Variants in SLC20A2 observed in about 807,000 individuals in gnomAD.
The protein encoded by SLC20A2 is sodium-dependent phosphate transporter 2.
A neutral mutation model predicts 61.0 loss-of-function variants in SLC20A2; 30 were observed. The observed-to-expected ratio is 0.49, with a 90% CI of 0.37 to 0.67. SLC20A2 has a LOEUF of 0.67. SLC20A2 is among the 30% of genes least tolerant of loss of function. The pLI is 0.00. For synonymous variants in SLC20A2, 351 were observed against 353.3 expected (o/e 0.99, Z 0.07); for missense variants, 626 against 866.4 (o/e 0.72, Z 3.48).
chr8:42,465,431 C>T (rs118064803), intron 3 of SLC20A2, among the ~76,000 whole-genome samples: 2,416 of 151,888 alleles, frequency 0.016, 61 homozygotes, highest in South Asian at 0.097. Flanking sequence ...CGGTGGCTCA[C>T]GCCTATAATC....
At chr8:42,517,660 C>T (rs542530929) in intron 1 of SLC20A2, among the ~76,000 whole-genome samples, 3 of 152,168 alleles carry the variant, frequency 2.0e-5, no homozygotes, top group East Asian at 1.9e-4. Flanking sequence ...GATTCTAGGG[C>T]CTCTGGAAAA....
chr8:42,463,798 C>T (rs1262036339), intron 3 of SLC20A2, among the ~76,000 whole-genome samples: 1 of 152,078 alleles, frequency 6.6e-6, no homozygotes, highest in Admixed American at 6.6e-5. Context: ...TGTGCCCCTG[C>T]CTGGCAGCTC....
At position 42,464,090 on chromosome 8, in the gene SLC20A2, A is replaced by ATTTTTTTTTTTTTTTTT. The variant is rs1563488008; in HGVS notation, c.431-1001_431-1000insAAAAAAAAAAAAAAAAA. On this transcript the variant is annotated intron_variant, in intron 3 of 10. Transcript: ENST00000520262. ...TTCTTCCCAAAGGGCAGGCTGGATG[A>ATTTTTTTTTTTTTTTTT]TCTTTTTTTTTTTTTTTTTTTTTTT... is the stretch of plus-strand genomic sequence containing the variant. Among the ~76,000 whole-genome samples, 6 of 19,994 alleles carry ATTTTTTTTTTTTTTTTT rather than the reference A, an allele frequency of 3.0e-4. 1 individual carries two copies. Among genetic ancestry groups the ATTTTTTTTTTTTTTTTT allele is most frequent in the East Asian group, 2.3e-3 (1 of 434 alleles). 13.1% of individuals were successfully genotyped at this position (19,994 alleles called of 152,430 possible).
intron 1 of SLC20A2, among the ~76,000 whole-genome samples, chr8:42,479,222 A>G (rs889265056): frequency 6.6e-6 from 1 of 152,216 alleles, no homozygotes; most frequent in Non-Finnish European, 1.5e-5. Flanking sequence ...GTTTACGCAA[A>G]TATAAACATT....
intron 1 of SLC20A2, among the ~76,000 whole-genome samples, chr8:42,517,153 T>A (rs1811367265): frequency 6.6e-6 from 1 of 152,198 alleles, no homozygotes; most frequent in Non-Finnish European, 1.5e-5. Context: ...GACCTGGAAA[T>A]TAGATAAACT....
At position 42,538,691 on chromosome 8, in the gene SLC20A2, A is replaced by G. The variant is rs117681515; in HGVS notation, c.-265+3130T>C. On this transcript the variant is annotated intron_variant, in intron 1 of 10. Coordinates refer to the SLC20A2 transcript ENST00000342228. ...ATTCAGGGAGCTTAAAGGGCACTCC[A>G]TCTGAGAGCCAAATTTTGAAGGAAT... is the stretch of plus-strand genomic sequence containing the variant. Among the ~76,000 whole-genome samples the G allele has an allele frequency of 6.8e-4, 104 of 152,368 alleles. 1 individual carries two copies. The East Asian group carries it at 0.017, about 25-fold the overall frequency.
rs537861199 is a variant in SLC20A2, at chr8:42,484,975, G to C, written c.-264-12321C>G. The stretch of plus-strand genomic sequence containing the variant: ...GGGCACACGACTAAGCACAAGGCCT[G>C]CATTTGGACCAAAGGGCACCCTGGC... On this transcript the variant is annotated intron_variant, in intron 1 of 10. Transcript: ENST00000520262. 11 of 306,712 alleles carry C rather than the reference G, an allele frequency of 3.6e-5. No homozygotes were observed. In the East Asian group the frequency reaches 1.1e-3, roughly 30 times the overall value. The allele number at this position is 306,712 out of a possible 1,614,324, so 19.0% of individuals were successfully genotyped here.
Position 42,428,834 on chromosome 8 carries a change from G to C in SLC20A2, c.1718C>G (p.Thr573Arg). ...LTPITPSSGF[T>R]IELASAFTVV... The stretch of plus-strand genomic sequence containing the variant: ...TGTGAAGGCTGAGGCCAGCTCGATC[G>C]TGAAGCCGCTGTGGGGGGAGCATGA... Residue 573 changes from threonine to arginine, a missense_variant, in exon 10 of 11, where the codon ACG (threonine) becomes AGG (arginine). Coordinates refer to ENST00000520262, the MANE Select transcript of SLC20A2 (RefSeq NM_001257180.2). The C allele has an allele frequency of 6.3e-7, 1 of 1,598,138 alleles. No individual in the cohort carries two copies. The highest frequency in any genetic ancestry group is 1.7e-4 in the Middle Eastern group (1 of 5,996).
At chr8:42,539,506 T>TA (rs1274356237) in intron 1 of SLC20A2, among the ~76,000 whole-genome samples, 5 of 152,206 alleles carry the variant, frequency 3.3e-5, no homozygotes, top group Non-Finnish European at 5.9e-5. Flanking sequence ...ACTAAAAACT[T>TA]AGACACACAA....
chr8:42,439,316 G>T, intron 7 of SLC20A2, 134 bp downstream of exon 7: 1 of 814,644 alleles, frequency 1.2e-6, no homozygotes, highest in Non-Finnish European at 1.9e-6. Flanking sequence ...TAGCTTCTGG[G>T]TTTTCTCAAA....
intron 1 of SLC20A2, among the ~76,000 whole-genome samples, chr8:42,521,929 T>C (rs1390225050): frequency 8.2e-6 from 1 of 121,592 alleles, no homozygotes; most frequent in Non-Finnish European, 2.0e-5. Context: ...CTCAGATTTA[T>C]GGCAATTTTC....
intron 1 of SLC20A2, among the ~76,000 whole-genome samples, chr8:42,519,496 T>G (rs1188649162): frequency 1.3e-5 from 2 of 151,580 alleles, no homozygotes; most frequent in African/African-American, 4.9e-5. Context: ...TCGGAGATTT[T>G]AATTGAATTG....
At chr8:42,430,672 TG>T (rs992863285) in intron 8 of SLC20A2, among the ~76,000 whole-genome samples, 31 of 152,292 alleles carry the variant, frequency 2.0e-4, no homozygotes, top group African/African-American at 6.7e-4. Context: ...TCAGATAGGA[TG>T]TTTTTTATGA....
intron 5 of SLC20A2, among the ~76,000 whole-genome samples, chr8:42,447,851 C>T (rs2131074062): frequency 6.6e-6 from 1 of 152,326 alleles, no homozygotes; most frequent in South Asian, 2.1e-4. Context: ...AACTGCTCAG[C>T]TCCCATCCCC....
intron 5 of SLC20A2, among the ~76,000 whole-genome samples, chr8:42,454,037 T>G (rs1805943438): frequency 6.6e-6 from 1 of 152,154 alleles, no homozygotes; most frequent in Non-Finnish European, 1.5e-5. Context: ...AGAGTCTCGC[T>G]CTGTCTCCCA....
Position 42,522,915 on chromosome 8 carries a change from G to A in SLC20A2, c.-265+18906C>T, listed in dbSNP as rs909387099. On this transcript the variant is annotated intron_variant, in intron 1 of 10. Coordinates refer to the SLC20A2 transcript ENST00000342228. ...ATCTGTAGAGATGGCGGGGTGGGGG[G>A]GGTCTCTCTGTGTTGCCCAGGTTAG... is the stretch of plus-strand genomic sequence containing the variant. Among the ~76,000 whole-genome samples, 23 of 148,240 alleles carry A rather than the reference G, an allele frequency of 1.6e-4. 1 individual carries two copies. Among genetic ancestry groups the A allele is most frequent in the African/African-American group, 5.6e-4 (22 of 38,962 alleles).
intron 1 of SLC20A2, among the ~76,000 whole-genome samples, chr8:42,517,118 T>G (rs751428282): frequency 6.6e-6 from 1 of 152,180 alleles, no homozygotes; most frequent in Non-Finnish European, 1.5e-5. Context: ...ATCTATAGTA[T>G]TAGTCATCTC....
intron 1 of SLC20A2, among the ~76,000 whole-genome samples, chr8:42,486,118 T>A (rs889119098): frequency 8.8e-5 from 13 of 148,178 alleles, no homozygotes; most frequent in Non-Finnish European, 1.6e-4. Flanking sequence ...ACTACTTAAT[T>A]ATCTTTAGCA....
Position 42,463,010 on chromosome 8 carries a change from T to G in SLC20A2, c.511A>C (p.Lys171Gln), listed in dbSNP as rs763565914. The G allele has an allele frequency of 6.3e-7, 1 of 1,590,064 alleles. No homozygotes were observed. The highest frequency in any genetic ancestry group is 1.4e-5 in the African/African-American group (1 of 73,658). ...AAAGTAGCAGCCCCACTTACCTTTT[T>G]TAAGATGAAAATTCTGATGAGTACA... ...LFVLIRIFILKKEDPVPNGLR... is the reference protein window; with the variant it reads ...LFVLIRIFILQKEDPVPNGLR... Residue 171 changes from lysine to glutamine, a missense_variant, in exon 4 of 11, where the codon AAA (lysine) becomes CAA (glutamine). Lys to Gln is a moderately conservative substitution (Grantham distance 53). Coordinates refer to ENST00000520262, the MANE Select transcript of SLC20A2 (RefSeq NM_001257180.2).
Sources: gnomAD v4.1 joint callset for allele counts (sites outside exome capture counted in the v4.1 genomes callset) on GRCh38, gnomAD v4.1.1 for gene constraint, MANE v1.5 for transcripts, NCBI Gene and HGNC (gene_info 2026-07-23, HGNC 2026-07-21) for gene names.